Variants in SEMA3B observed in about 807,000 individuals in gnomAD.
SEMA3B encodes semaphorin-3B.
SEMA3B carries 71 observed loss-of-function variants against 77.8 expected under a neutral mutation model. The observed-to-expected ratio is 0.91, with a 90% CI of 0.75 to 1.11. SEMA3B has a LOEUF of 1.11. Among genes scored for constraint, SEMA3B ranks in the 50% most tolerant of loss-of-function variants. SEMA3B has a pLI of 0.00. For synonymous variants in SEMA3B, 470 were observed against 452.9 expected, an observed-to-expected ratio of 1.04 and a Z score of -0.48; for missense variants, 968 against 1,056.8, an observed-to-expected ratio of 0.92 and a Z score of 1.17.
upstream of SEMA3B, among the ~76,000 whole-genome samples, chr3:50,263,925 C>T (rs1254567630): frequency 2.6e-5 from 4 of 151,844 alleles, no homozygotes; most frequent in Admixed American, 6.6e-5. Flanking sequence ...TGGCCGGGAG[C>T]GGTGACTCAT....
rs1048826203 is a variant in SEMA3B at position 50,273,130 on chromosome 3, G to C, written c.665-168G>C. 9.0e-7 allele frequency: 1 copy of C among 1,109,254 alleles called. No homozygotes were observed. The highest frequency in any genetic ancestry group is 1.3e-6 in the Non-Finnish European group (1 of 794,986). The allele number at this position is 1,109,254 out of a possible 1,614,324, so 68.7% of individuals were successfully genotyped here. A position where few individuals can be genotyped will look rare whatever the true frequency, so the allele number is the denominator to read the frequency against. The stretch of plus-strand genomic sequence containing the variant: ...TTGCCTCGCAGGCCCTGATCCTTTG[G>C]ATTCGGTCCGCGCAGAGCGCCAACT... On this transcript the variant is annotated intron_variant, in intron 6 of 16. Coordinates refer to ENST00000616701, the MANE Select transcript of SEMA3B (RefSeq NM_001290060.2). The surrounding 1 kb of genome is among the most constrained non-coding windows in gnomAD (Gnocchi z 6.5).
At chr3:50,263,425 G>A (rs2109228380), upstream of SEMA3B, 1 of 149,796 alleles carries the variant, frequency 6.7e-6, no homozygotes, top group South Asian at 2.1e-4. Flanking sequence ...CTTGAGTTCT[G>A]GAGGTCAAGG....
In SEMA3B at chr3:50,269,498, CCA is replaced by C. The variant is rs1356991633; in HGVS notation, c.109+150_109+151del. ...ATTAGTGGGCACTCTCAGGCCACCT[CCA>C]GTTAACCCTGTCCGGGCCTCAGCCC... On this transcript the variant is annotated intron_variant, in intron 1 of 16. Coordinates refer to ENST00000616701, the MANE Select transcript of SEMA3B (RefSeq NM_001290060.2). The surrounding 1 kb of genome is among the most constrained non-coding windows in gnomAD (Gnocchi z 4.0). 2.0e-5 allele frequency: 12 copies of C among 591,872 alleles called. No individual in the cohort carries two copies. Among genetic ancestry groups the C allele is most frequent in the Admixed American group, 6.3e-5 (2 of 31,568 alleles). The allele number at this position is 591,872 out of a possible 1,614,324, so 36.7% of individuals were successfully genotyped here. A position where few individuals can be genotyped will look rare whatever the true frequency, so the allele number is the denominator to read the frequency against.
rs2109252373 is a variant in SEMA3B, at chr3:50,276,507, G to A, written c.2051G>A (p.Gly684Asp). 3.9e-6 allele frequency: 6 copies of A among 1,532,690 alleles called. 1 individual carries two copies. The highest frequency in any genetic ancestry group is 2.5e-5 in the East Asian group (1 of 40,614). The allele number at this position is 1,532,690 out of a possible 1,614,324, so 94.9% of individuals were successfully genotyped here. Residue 684 changes from glycine to aspartate, a missense_variant, in exon 17 of 17, where the codon GGC becomes GAC. Gly to Asp is a moderately conservative substitution (Grantham distance 94). Transcript: ENST00000616701. The surrounding 1 kb of genome is among the most constrained non-coding windows in gnomAD (Gnocchi z 5.8). ...GAGGCTGCGCCCGCCGCGCCGCCGG[G>A]CCCCAAACTCTGGTACCGGGACTTT... ...AEEAAPAAPP[G>D]PKLWYRDFLQ...
Position 50,275,542 on chromosome 3 carries a change from ATCGGATGT to A in SEMA3B, c.1650-15_1650-8del. ...GGGCTGAAAGAAGGGCTCACAGAAG[ATCGGATGT>A]TCCCCACAGGCGGTTCCGGCGGCAA... On this transcript the variant is annotated splice_polypyrimidine_tract_variant and intron_variant, in intron 14 of 16. Coordinates refer to ENST00000616701, the MANE Select transcript of SEMA3B (RefSeq NM_001290060.2). The surrounding 1 kb of genome is among the most constrained non-coding windows in gnomAD (Gnocchi z 7.5). 1 of 1,613,662 alleles carries A rather than the reference ATCGGATGT, an allele frequency of 6.2e-7. No homozygotes were observed. Among genetic ancestry groups the A allele is most frequent in the South Asian group, 1.1e-5 (1 of 91,086 alleles).
At chr3:50,264,865 G>A (rs587736463), upstream of SEMA3B, among the ~76,000 whole-genome samples, 2 of 152,292 alleles carry the variant, frequency 1.3e-5, no homozygotes, top group South Asian at 2.1e-4. Flanking sequence ...TGGTTGGGGG[G>A]GCTCCCGCAT....
In SEMA3B at chr3:50,274,758, G is replaced by A. The variant is rs1701172887; in HGVS notation, c.1358-85G>A. 1.3e-5 allele frequency: 19 copies of A among 1,488,198 alleles called. No individual in the cohort carries two copies. Among genetic ancestry groups the A allele is most frequent in the Non-Finnish European group, 1.7e-5 (18 of 1,085,562 alleles). The allele number at this position is 1,488,198 out of a possible 1,614,324, so 92.2% of individuals were successfully genotyped here. The stretch of plus-strand genomic sequence containing the variant: ...ACACTCTTCACAACCCAAACATGCT[G>A]AGGGTAGACGCCTCAAAGGCGAGGA... On this transcript the variant is annotated intron_variant, in intron 11 of 16. Transcript: ENST00000616701. This position sits in a 1 kb window ranked among gnomAD's most constrained non-coding sequence, Gnocchi z 4.7.
rs371764580 is a variant in SEMA3B, at chr3:50,273,478, C to T, written c.810+35C>T. 3 of 1,609,930 alleles carry T rather than the reference C, an allele frequency of 1.9e-6. No individual in the cohort carries two copies. The highest frequency in any genetic ancestry group is 4.5e-5 in the East Asian group (2 of 44,792). ...CCCTGGGCCACACCCGGCGACCCTG[C>T]CCCTACCCCTTTGCCTGCCCTGGTC... On this transcript the variant is annotated intron_variant, in intron 7 of 16. Transcript: ENST00000616701. This position sits in a 1 kb window ranked among gnomAD's most constrained non-coding sequence, Gnocchi z 6.5.
chr3:50,277,114 G>A lies in SEMA3B; in HGVS notation c.*408G>A, dbSNP rs1701284447. On this transcript the variant is annotated 3_prime_UTR_variant, in exon 17 of 17. Transcript: ENST00000616701. ...GGCGAGGCAGGCCGACTGTACTAAA[G>A]TAACGCAATAAACGCATTATCAGCC... 1 of 201,708 alleles carries A rather than the reference G, an allele frequency of 5.0e-6. No individual in the cohort carries two copies. Among genetic ancestry groups the A allele is most frequent in the Non-Finnish European group, 9.9e-6 (1 of 100,850 alleles). 12.5% of individuals were successfully genotyped at this position (201,708 alleles called of 1,614,324 possible).
Position 50,276,926 on chromosome 3 carries a change from G to C in SEMA3B, c.*220G>C. On this transcript the variant is annotated 3_prime_UTR_variant, in exon 17 of 17. Transcript: ENST00000616701. This position sits in a 1 kb window ranked among gnomAD's most constrained non-coding sequence, Gnocchi z 5.8. ...GCCCCGGGAGGGCGGCACAGGTCGGGCGCAGGATTCAGCCGGAGGGAAGGG... is the reference window on the plus strand; with the variant it reads ...GCCCCGGGAGGGCGGCACAGGTCGGCCGCAGGATTCAGCCGGAGGGAAGGG... 1.9e-6 allele frequency: 1 copy of C among 523,622 alleles called. No individual in the cohort carries two copies. The allele number at this position is 523,622 out of a possible 1,614,324, so 32.4% of individuals were successfully genotyped here.
Position 50,274,053 on chromosome 3 carries a change from G to T in SEMA3B, c.1133G>T (p.Gly378Val). 1 of 1,613,246 alleles carries T rather than the reference G, an allele frequency of 6.2e-7. No individual in the cohort carries two copies. The highest frequency in any genetic ancestry group is 8.5e-7 in the Non-Finnish European group (1 of 1,179,684). Residue 378 changes from glycine to valine, a missense_variant, in exon 10 of 17, where the codon GGC (glycine) becomes GTC (valine). By Grantham distance (109) the Gly-to-Val change is moderately radical. Coordinates refer to ENST00000616701, the MANE Select transcript of SEMA3B (RefSeq NM_001290060.2). This position sits in a 1 kb window ranked among gnomAD's most constrained non-coding sequence, Gnocchi z 4.7. ...YQGRVPYPRPGMCPSKTFGTF... is the reference protein window; with the variant it reads ...YQGRVPYPRPVMCPSKTFGTF... Reference sequence around the variant, plus strand: ...GGTCGCGTCCCCTACCCGCGGCCAGGCATGGTTCGTAGCCCAGGGACTTCT... The same window carrying T: ...GGTCGCGTCCCCTACCCGCGGCCAGTCATGGTTCGTAGCCCAGGGACTTCT...
upstream of SEMA3B, chr3:50,267,409 G>C (rs1700920862): frequency 6.5e-6 from 1 of 152,696 alleles, no homozygotes. This position sits in a 1 kb window ranked among gnomAD's most constrained non-coding sequence, Gnocchi z 5.7. Context: ...CTGGCTTCTG[G>C]GACCGCCACC....
rs1701018687 is a variant in SEMA3B, at chr3:50,270,480, A to C, written c.315A>C (p.Ala105=). The C allele has an allele frequency of 6.2e-7, 1 of 1,613,632 alleles. No individual in the cohort carries two copies. Among genetic ancestry groups the C allele is most frequent in the Non-Finnish European group, 8.5e-7 (1 of 1,179,860 alleles). ...PVEWREECNW[A]GKDIGTECMN... ...AATGGCGAGAGGAGTGCAACTGGGC[A>C]GGGAAGGACATTGGTGTGAGTGCCA... Residue 105 remains alanine (A), a synonymous_variant, in exon 3 of 17, where the codon GCA becomes GCC. Transcript: ENST00000616701. The surrounding 1 kb of genome is among the most constrained non-coding windows in gnomAD (Gnocchi z 4.7).
chr3:50,268,915 CAA>C, upstream of SEMA3B: 1 of 417,858 alleles, frequency 2.4e-6, no homozygotes, highest in Non-Finnish European at 4.4e-6. Flanking sequence ...AGTGTGTATA[CAA>C]GAGAGGAGAT....
chr3:50,276,379 G>A lies in SEMA3B; in HGVS notation c.1923G>A (p.Val641=), dbSNP rs1553706730. 2 of 1,536,174 alleles carry A rather than the reference G, an allele frequency of 1.3e-6. No homozygotes were observed. The highest frequency in any genetic ancestry group is 3.9e-5 in the Admixed American group (2 of 50,910). Residue 641 remains valine, a synonymous_variant, in exon 17 of 17, where the codon GTG becomes GTA. Transcript: ENST00000616701. This position sits in a 1 kb window ranked among gnomAD's most constrained non-coding sequence, Gnocchi z 5.8. The part of the protein sequence containing the change: ...LRRLRRRDSG[V]YLCAAVEQGF... ...GGCTGCGGCGCCGGGACTCGGGCGT[G>A]TACTTGTGCGCCGCCGTCGAGCAGG...
Position 50,273,283 on chromosome 3 carries a change from T to C in SEMA3B, c.665-15T>C. ...AGGCCAGGACCCGCTGACCCATGCC[T>C]CCTGCCGCGGTCAGAGCCCAAGTTT... On this transcript the variant is annotated splice_polypyrimidine_tract_variant and intron_variant, in intron 6 of 16. Transcript: ENST00000616701. This position sits in a 1 kb window ranked among gnomAD's most constrained non-coding sequence, Gnocchi z 6.5. 6.2e-7 allele frequency: 1 copy of C among 1,611,256 alleles called. No individual in the cohort carries two copies. Among genetic ancestry groups the C allele is most frequent in the Non-Finnish European group, 8.5e-7 (1 of 1,178,614 alleles).
At position 50,273,744 on chromosome 3, in the gene SEMA3B, G is replaced by GC; in HGVS notation, c.923-11dup. 1 of 1,604,820 alleles carries GC rather than the reference G, an allele frequency of 6.2e-7. No individual in the cohort carries two copies. The highest frequency in any genetic ancestry group is 8.5e-7 in the Non-Finnish European group (1 of 1,178,582). The stretch of plus-strand genomic sequence containing the variant: ...GGGCTGTGCGCCCTACCCCAGCTAG[G>GC]CCCCTTCCCCGCAGAGGATGTGTTT... On this transcript the variant is annotated splice_polypyrimidine_tract_variant and intron_variant, in intron 8 of 16. Transcript: ENST00000616701. This position sits in a 1 kb window ranked among gnomAD's most constrained non-coding sequence, Gnocchi z 6.5.
In SEMA3B at chr3:50,270,947, G is replaced by A; in HGVS notation, c.388G>A (p.Ala130Thr). The A allele has an allele frequency of 6.2e-7, 1 of 1,611,812 alleles. No homozygotes were observed. Among genetic ancestry groups the A allele is most frequent in the South Asian group, 1.1e-5 (1 of 90,432 alleles). Residue 130 changes from alanine (A) to threonine (T), a missense_variant, in exon 4 of 17, where the codon GCC becomes ACC. By Grantham distance (58) the Ala-to-Thr change is moderately conservative. Coordinates refer to ENST00000616701, the MANE Select transcript of SEMA3B (RefSeq NM_001290060.2). This position sits in a 1 kb window ranked among gnomAD's most constrained non-coding sequence, Gnocchi z 4.7. The part of the protein sequence containing the change: ...LHAYNRTHLL[A>T]CGTGAFHPTC... The stretch of plus-strand genomic sequence containing the variant: ...TGCCTACAACCGCACCCATTTGCTG[G>A]CCTGTGGCACGGGAGCCTTCCACCC...
At chr3:50,261,833 C>G in the SEMA3B span, 2 of 152,228 alleles carry the variant, frequency 1.3e-5, no homozygotes, top group Non-Finnish European at 2.9e-5. Context: ...GAATACAAGC[C>G]CTGACTCCAG....
Sources: allele counts gnomAD v4.1 joint callset (sites outside exome capture counted in the v4.1 genomes callset), GRCh38; gene constraint gnomAD v4.1.1; non-coding constraint Gnocchi (gnomAD v3.1); transcripts MANE v1.5; gene names NCBI Gene and HGNC (gene_info 2026-07-23, HGNC 2026-07-21).